Variants in DBNL observed in about 807,000 individuals in gnomAD.
The protein encoded by DBNL is drebrin like.
DBNL carries 35 observed loss-of-function variants against 62.2 expected under a neutral mutation model. The ratio of observed to expected loss-of-function variants is 0.56; its 90% CI spans 0.43 to 0.75. DBNL has a LOEUF of 0.75. Ranked by LOEUF, DBNL falls within the 30% of genes least tolerant of loss-of-function variation. The pLI is 0.00. For synonymous variants in DBNL, 197 were observed against 218.0 expected, an observed-to-expected ratio of 0.90 and a Z score of 0.85; for missense variants, 495 against 578.4, an observed-to-expected ratio of 0.86 and a Z score of 1.48.
In DBNL at chr7:44,064,911, A is replaced by G. The variant is rs1586001503; in HGVS notation, c.*3995A>G. 6.2e-7 allele frequency: 1 copy of G among 1,607,522 alleles called. No individual in the cohort carries two copies. Among genetic ancestry groups the G allele is most frequent in the Non-Finnish European group, 8.5e-7 (1 of 1,177,958 alleles). On this transcript the variant is annotated 3_prime_UTR_variant, in exon 13 of 13. Coordinates refer to ENST00000448521, the MANE Select transcript of DBNL (RefSeq NM_001014436.3). ...CTCGCTTGCCGGCCTTGATCTGGGGAACAATCTCCTCGTTCCAGAAGGGCA... is the reference window on the plus strand; with the variant it reads ...CTCGCTTGCCGGCCTTGATCTGGGGGACAATCTCCTCGTTCCAGAAGGGCA...
intron 2 of DBNL, chr7:44,050,600 GGAAA>G (rs2096124941): frequency 7.0e-6 from 2 of 284,880 alleles, no homozygotes; most frequent in Admixed American, 4.7e-5. Context: ...TGGTGCTGGT[GGAAA>G]GAAAGTCCAC....
rs553492594 is a variant in DBNL, at chr7:44,061,491, A to G, written c.*575A>G. 2 of 153,916 alleles carry G rather than the reference A, an allele frequency of 1.3e-5. No individual in the cohort carries two copies. Among genetic ancestry groups the G allele is most frequent in the African/African-American group, 2.4e-5 (1 of 41,428 alleles). 9.5% of individuals were successfully genotyped at this position (153,916 alleles called of 1,614,324 possible). On this transcript the variant is annotated 3_prime_UTR_variant, in exon 13 of 13. Coordinates refer to ENST00000448521, the MANE Select transcript of DBNL (RefSeq NM_001014436.3). ...CTGTCCCTCTGCCTGGGCTATGGGA[A>G]GTGGGGATGCAGATGGCCAAGCTCC...
chr7:44,062,345 T>G lies in DBNL; in HGVS notation c.*1429T>G. On this transcript the variant is annotated 3_prime_UTR_variant, in exon 13 of 13. Coordinates refer to ENST00000448521, the MANE Select transcript of DBNL (RefSeq NM_001014436.3). ...CAGGGCTCAAAGTGCCACCCGGGGG[T>G]TGCAAGGACAGCAGAGGACCACCTG... is the stretch of plus-strand genomic sequence containing the variant. The G allele has an allele frequency of 8.9e-6, 2 of 224,732 alleles. No homozygotes were observed. Among genetic ancestry groups the G allele is most frequent in the Non-Finnish European group, 1.8e-5 (2 of 110,010 alleles). 13.9% of individuals were successfully genotyped at this position (224,732 alleles called of 1,614,324 possible).
intron 4 of DBNL, among the ~76,000 whole-genome samples, chr7:44,056,262 G>A (rs537906523): frequency 3.3e-5 from 5 of 152,286 alleles, no homozygotes; most frequent in East Asian, 1.9e-4. Context: ...TGTTGTGTCT[G>A]TGTTTATGCC....
chr7:44,050,351 C>T (rs2096124482), intron 2 of DBNL, 71 bp downstream of exon 2: 4 of 1,558,184 alleles, frequency 2.6e-6, no homozygotes, highest in Non-Finnish European at 2.7e-6. Context: ...TCAGCGCACT[C>T]AGCTGTCTTG....
rs1008089164 is a variant in DBNL, at chr7:44,062,399, G to A, written c.*1483G>A. 2.2e-5 allele frequency: 7 copies of A among 321,506 alleles called. No homozygotes were observed. The highest frequency in any genetic ancestry group is 8.5e-5 in the African/African-American group (4 of 46,806). The allele number at this position is 321,506 out of a possible 1,614,324, so 19.9% of individuals were successfully genotyped here. Reference sequence around the variant, plus strand: ...TCTGCAGGAAGCTGTCCAGGAAGCCGTGTCCTGGGCTGTGGTCCTTGCTCC... The same window carrying A: ...TCTGCAGGAAGCTGTCCAGGAAGCCATGTCCTGGGCTGTGGTCCTTGCTCC... On this transcript the variant is annotated 3_prime_UTR_variant, in exon 13 of 13. Coordinates refer to ENST00000448521, the MANE Select transcript of DBNL (RefSeq NM_001014436.3).
chr7:44,055,604 A>G (rs2128792482), intron 4 of DBNL, among the ~76,000 whole-genome samples: 1 of 152,316 alleles, frequency 6.6e-6, no homozygotes, highest in South Asian at 2.1e-4. Flanking sequence ...AGCCATTCTA[A>G]CTGTGGTGAG....
chr7:44,065,713 A>T lies in DBNL; in HGVS notation c.*4797A>T, dbSNP rs1237191594. 3.1e-6 allele frequency: 2 copies of T among 644,670 alleles called. No individual in the cohort carries two copies. Among genetic ancestry groups the T allele is most frequent in the African/African-American group, 3.6e-5 (2 of 55,538 alleles). The allele number at this position is 644,670 out of a possible 1,614,324, so 39.9% of individuals were successfully genotyped here. A position where few individuals can be genotyped will look rare whatever the true frequency, so the allele number is the denominator to read the frequency against. Reference sequence around the variant, plus strand: ...TGGGGGCCAGGGGAGTGTGCAGGCCAAGAGGCTGTGCTTAAAATAGCCCCA... The same window carrying T: ...TGGGGGCCAGGGGAGTGTGCAGGCCTAGAGGCTGTGCTTAAAATAGCCCCA... On this transcript the variant is annotated 3_prime_UTR_variant, in exon 13 of 13. Coordinates refer to ENST00000448521, the MANE Select transcript of DBNL (RefSeq NM_001014436.3).
Position 44,063,141 on chromosome 7 carries a change from A to C in DBNL, c.*2225A>C. ...ACAGAAATAGCCCAGTGGTGAAAAA[A>C]ATGGGGACTTCAGCCCCACCCAAGT... On this transcript the variant is annotated 3_prime_UTR_variant, in exon 13 of 13. Transcript: ENST00000448521. The C allele has an allele frequency of 1.7e-6, 1 of 601,386 alleles. No individual in the cohort carries two copies. Among genetic ancestry groups the C allele is most frequent in the African/African-American group, 1.8e-5 (1 of 54,702 alleles). The allele number at this position is 601,386 out of a possible 1,614,324, so 37.3% of individuals were successfully genotyped here.
At chr7:44,054,027 T>C (rs185797015) in intron 4 of DBNL, among the ~76,000 whole-genome samples, 14 of 152,306 alleles carry the variant, frequency 9.2e-5, no homozygotes, top group South Asian at 8.3e-4. Context: ...GAAATGTTCA[T>C]TGGAGCAGTT....
intron 2 of DBNL, chr7:44,050,760 C>CTGATACAG (rs2128790364): frequency 6.3e-6 from 1 of 159,450 alleles, no homozygotes; most frequent in East Asian, 1.8e-4. Context: ...GGCTCTTGGC[C>CTGATACAG]AGCACAGAGC....
Position 44,058,310 on chromosome 7 carries a change from G to A in DBNL, c.704+30G>A, listed in dbSNP as rs756665569. The A allele has an allele frequency of 1.4e-5, 22 of 1,580,432 alleles. No individual in the cohort carries two copies. In the African/African-American group the frequency reaches 2.5e-4, roughly 18 times the overall value. On this transcript the variant is annotated intron_variant, in intron 7 of 12. Transcript: ENST00000448521. ...GCCAGAGGTGGAGGCTGGCCTGGGG[G>A]ACCCACCCTGAGGCATTGCTGGGCA... is the stretch of plus-strand genomic sequence containing the variant.
chr7:44,057,951 C>T lies in DBNL; in HGVS notation c.552+92C>T, dbSNP rs1384479155. On this transcript the variant is annotated intron_variant, in intron 6 of 12. Coordinates refer to ENST00000448521, the MANE Select transcript of DBNL (RefSeq NM_001014436.3). Reference sequence around the variant, plus strand: ...CACAAGTGAGCTCATGCAGCATCCACTCTCCTTGGTGCCCATTACAGATGG... The same window carrying T: ...CACAAGTGAGCTCATGCAGCATCCATTCTCCTTGGTGCCCATTACAGATGG... 1.1e-5 allele frequency: 17 copies of T among 1,573,362 alleles called. No individual in the cohort carries two copies. In the South Asian group the frequency reaches 1.1e-4, roughly 11 times the overall value.
intron 2 of DBNL, 58 bp downstream of exon 2, chr7:44,050,338 G>A (rs750250054): frequency 6.3e-7 from 1 of 1,585,430 alleles, no homozygotes; most frequent in Non-Finnish European, 8.7e-7. Flanking sequence ...TGACGACGAG[G>A]GGTCAGCGCA....
In DBNL at chr7:44,062,812, C is replaced by T. The variant is rs747672660; in HGVS notation, c.*1896C>T. The stretch of plus-strand genomic sequence containing the variant: ...CCACAGCCTCCATGGCCTTCCGCAC[C>T]GTTTCCTCATCACCCAGGAACTGCA... On this transcript the variant is annotated 3_prime_UTR_variant, in exon 13 of 13. Transcript: ENST00000448521. The T allele has an allele frequency of 6.8e-6, 11 of 1,614,094 alleles. No individual in the cohort carries two copies. The highest frequency in any genetic ancestry group is 6.7e-5 in the East Asian group (3 of 44,890).
At chr7:44,053,073 G>A (rs1370099157) in intron 4 of DBNL, 132 bp downstream of exon 4, 1 of 1,195,944 alleles carries the variant, frequency 8.4e-7, no homozygotes, top group Non-Finnish European at 1.2e-6. Flanking sequence ...CTCTCTGCCT[G>A]CCTTTGAGGG....
At position 44,065,701 on chromosome 7, in the gene DBNL, A is replaced by C. The variant is rs1371013650; in HGVS notation, c.*4785A>C. On this transcript the variant is annotated 3_prime_UTR_variant, in exon 13 of 13. Coordinates refer to ENST00000448521, the MANE Select transcript of DBNL (RefSeq NM_001014436.3). Reference sequence around the variant, plus strand: ...GCTGCTGGGGGCTGGGGGCCAGGGGAGTGTGCAGGCCAAGAGGCTGTGCTT... The same window carrying C: ...GCTGCTGGGGGCTGGGGGCCAGGGGCGTGTGCAGGCCAAGAGGCTGTGCTT... 4 of 677,152 alleles carry C rather than the reference A, an allele frequency of 5.9e-6. No homozygotes were observed. In the East Asian group the frequency reaches 1.1e-4, roughly 18 times the overall value. 41.9% of individuals were successfully genotyped at this position (677,152 alleles called of 1,614,324 possible).
At position 44,068,152 on chromosome 7, in the gene DBNL, AG is replaced by A. The variant is rs1410329167; in HGVS notation, c.*7237del. ...TGTCTAGAGGAGCCATGGCCCCAAAAGCATGGGGCAACCACCTTCTGCAGCT... is the reference window on the plus strand; with the variant it reads ...TGTCTAGAGGAGCCATGGCCCCAAAACATGGGGCAACCACCTTCTGCAGCT... On this transcript the variant is annotated 3_prime_UTR_variant, in exon 13 of 13. Coordinates refer to ENST00000448521, the MANE Select transcript of DBNL (RefSeq NM_001014436.3). 1 of 152,214 alleles carries A rather than the reference AG, an allele frequency of 6.6e-6. No homozygotes were observed. Among genetic ancestry groups the A allele is most frequent in the Non-Finnish European group, 1.5e-5 (1 of 68,074 alleles). The allele number at this position is 152,214 out of a possible 1,614,324, so 9.4% of individuals were successfully genotyped here.
chr7:44,055,042 G>A (rs1260324398), intron 4 of DBNL, among the ~76,000 whole-genome samples: 1 of 152,158 alleles, frequency 6.6e-6, no homozygotes, highest in African/African-American at 2.4e-5. Flanking sequence ...ATTGATGGAC[G>A]TTTTGGTTGA....
Sources: gnomAD v4.1 joint callset for allele counts (sites outside exome capture counted in the v4.1 genomes callset) on GRCh38, gnomAD v4.1.1 for gene constraint, MANE v1.5 for transcripts, NCBI Gene and HGNC (gene_info 2026-07-23, HGNC 2026-07-21) for gene names.